Variants in FAM47C observed in about 807,000 individuals in gnomAD.
The protein encoded by FAM47C is family with sequence similarity 47 member C, also known as putative protein FAM47C.
For synonymous variants in FAM47C, 307 were observed against 346.5 expected (o/e 0.89, Z 1.27); for missense variants, 847 against 879.9 (o/e 0.96, Z 0.47).
At position 37,008,849 on chromosome X, in the gene FAM47C, C is replaced by T. The variant is rs140265914; in HGVS notation, c.439C>T (p.Leu147=). The T allele has an allele frequency of 3.5e-4, 427 of 1,210,482 alleles. 1 individual carries two copies. The African/African-American group carries it at 6.8e-3, about 19-fold the overall frequency. The part of the protein sequence containing the change: ...LGEDMPPDLL[L]QVLKPLDPER... ...AGAAGATATGCCTCCAGATCTCCTA[C>T]TACAGGTACTGAAACCGCTGGACCC... is the stretch of plus-strand genomic sequence containing the variant. The change falls in exon 1 of 1, where the codon CTA becomes TTA. Residue 147 remains leucine (L), a synonymous_variant. Transcript: ENST00000358047.
In FAM47C at chrX:37,011,111, A is replaced by G. The variant is rs1927789215; in HGVS notation, c.2701A>G (p.Met901Val). ...NECSSGLKYS[M>V]ELDEMDEVKF... ...GTGTTCCTCAGGGCTGAAGTACAGC[A>G]TGGAGCTAGACGAAATGGATGAGGT... Residue 901 changes from methionine to valine, a missense_variant, in exon 1 of 1, where the codon ATG becomes GTG. By Grantham distance (21) the Met-to-Val change is conservative. Transcript: ENST00000358047. 8.3e-7 allele frequency: 1 copy of G among 1,212,043 alleles called. No individual in the cohort carries two copies. Among genetic ancestry groups the G allele is most frequent in the South Asian group, 1.8e-5 (1 of 56,984 alleles).
rs782395657 is a variant in FAM47C, at chrX:37,009,151, C to T, written c.741C>T (p.Arg247=). Residue 247 remains arginine, a synonymous_variant, in exon 1 of 1, where the codon CGC becomes CGT. Transcript: ENST00000358047. ...EPPETGVSHL[R]PEPPKTQVSS... ...CAGAGACTGGAGTGTCCCATCTCCG[C>T]CCAGAGCCTCCCAAGACTCAGGTGT... 7.5e-6 allele frequency: 9 copies of T among 1,207,449 alleles called. No homozygotes were observed. The East Asian group carries it at 2.4e-4, about 32-fold the overall frequency.
In FAM47C at chrX:37,008,801, T is replaced by C. The variant is rs781936383; in HGVS notation, c.391T>C (p.Leu131=). The change falls in exon 1 of 1, where the codon TTG becomes CTG. Residue 131 remains leucine, a synonymous_variant. Coordinates refer to ENST00000358047, the MANE Select transcript of FAM47C (RefSeq NM_001013736.3). ...AGCCCAGCTGATGACCAAGCATCCC[T>C]TGGCCATGTACCCCAATCTGGGAGA... ...VEAQLMTKHP[L]AMYPNLGEDM... The C allele has an allele frequency of 1.9e-5, 23 of 1,209,928 alleles. No individual in the cohort carries two copies. Among genetic ancestry groups the C allele is most frequent in the Non-Finnish European group, 2.3e-5 (21 of 895,123 alleles).
chrX:37,010,557 C>G lies in FAM47C; in HGVS notation c.2147C>G (p.Ala716Gly). 3 of 1,200,325 alleles carry G rather than the reference C, an allele frequency of 2.5e-6. No homozygotes were observed. Among genetic ancestry groups the G allele is most frequent in the Non-Finnish European group, 3.4e-6 (3 of 891,793 alleles). ...PPKTRVSSLH[A>G]EPPESRVSHL... ...AAGACTCGGGTGTCCAGTCTCCACGCGGAGCCTCCTGAGAGTCGCGTATCT... is the reference window on the plus strand; with the variant it reads ...AAGACTCGGGTGTCCAGTCTCCACGGGGAGCCTCCTGAGAGTCGCGTATCT... The change falls in exon 1 of 1, where the codon GCG becomes GGG. Residue 716 changes from alanine to glycine, a missense_variant. Transcript: ENST00000358047.
At position 37,008,571 on chromosome X, in the gene FAM47C, G is replaced by A; in HGVS notation, c.161G>A (p.Gly54Asp). ...DTQNWVFVTE[G>D]MDDFRYGCQS... ...CAGAACTGGGTATTTGTGACGGAGG[G>A]CATGGACGACTTCCGCTACGGCTGT... is the stretch of plus-strand genomic sequence containing the variant. The change falls in exon 1 of 1, where the codon GGC becomes GAC. Residue 54 changes from glycine (G) to aspartate (D), a missense_variant. Physicochemically the swap from Gly to Asp is moderately conservative, Grantham distance 94. Coordinates refer to ENST00000358047, the MANE Select transcript of FAM47C (RefSeq NM_001013736.3). 3.3e-6 allele frequency: 4 copies of A among 1,212,597 alleles called. No homozygotes were observed. Among genetic ancestry groups the A allele is most frequent in the Non-Finnish European group, 4.5e-6 (4 of 895,661 alleles).
At position 37,008,978 on chromosome X, in the gene FAM47C, C is replaced by G; in HGVS notation, c.568C>G (p.Pro190Ala). ...CCCCTGTGGGGAATTCTCCCCTCGGCCTCCCGAGACTCGGGTGTCCTGTCT... is the reference window on the plus strand; with the variant it reads ...CCCCTGTGGGGAATTCTCCCCTCGGGCTCCCGAGACTCGGGTGTCCTGTCT... ...KYPCGEFSPR[P>A]PETRVSCLPP... Residue 190 changes from proline to alanine, a missense_variant, in exon 1 of 1, where the codon CCT (proline) becomes GCT (alanine). Transcript: ENST00000358047. 8.3e-7 allele frequency: 1 copy of G among 1,211,777 alleles called. No individual in the cohort carries two copies. The highest frequency in any genetic ancestry group is 1.1e-6 in the Non-Finnish European group (1 of 895,409).
At position 37,009,569 on chromosome X, in the gene FAM47C, G is replaced by C; in HGVS notation, c.1159G>C (p.Val387Leu). 8.3e-7 allele frequency: 1 copy of C among 1,208,203 alleles called. No individual in the cohort carries two copies. The highest frequency in any genetic ancestry group is 1.8e-5 in the South Asian group (1 of 56,788). ...CTGCCCGGAACCTCCCAAGACTCGC[G>C]TACCTCCTCTCCGCCCAGAGACCCC... Reference protein sequence around the residue: ...HLCPEPPKTRVPPLRPETPKN... With the variant: ...HLCPEPPKTRLPPLRPETPKN... Residue 387 changes from valine to leucine, a missense_variant, in exon 1 of 1, where the codon GTA (valine) becomes CTA (leucine). Physicochemically the swap from Val to Leu is conservative, Grantham distance 32 (BLOSUM62 1). Transcript: ENST00000358047.
Position 37,010,048 on chromosome X carries a change from C to T in FAM47C, c.1638C>T (p.Leu546=). 8.4e-7 allele frequency: 1 copy of T among 1,193,105 alleles called. No individual in the cohort carries two copies. The highest frequency in any genetic ancestry group is 1.1e-6 in the Non-Finnish European group (1 of 888,293). Residue 546 remains leucine, a synonymous_variant, in exon 1 of 1, where the codon CTC becomes CTT. Transcript: ENST00000358047. ...CTCCTGAGAGTAGCGTATCTCATCT[C>T]CGCCCAGAGCCTCCTGAGACTGGAG... ...QAPPESSVSH[L]RPEPPETGVS... is the part of the protein sequence containing the mutation.
chrX:37,010,219 G>A lies in FAM47C; in HGVS notation c.1809G>A (p.Val603=), dbSNP rs781822492. 1.7e-6 allele frequency: 2 copies of A among 1,169,003 alleles called. No individual in the cohort carries two copies. The highest frequency in any genetic ancestry group is 3.1e-5 in the East Asian group (1 of 31,979). The change falls in exon 1 of 1, where the codon GTG becomes GTA. Residue 603 remains valine (V), a synonymous_variant. Coordinates refer to ENST00000358047, the MANE Select transcript of FAM47C (RefSeq NM_001013736.3). Reference sequence around the variant, plus strand: ...CCCCGGAGCCCCCCGAGACTGGAGTGTCCCATCTCTGCCCGGAGCCTCCAG... The same window carrying A: ...CCCCGGAGCCCCCCGAGACTGGAGTATCCCATCTCTGCCCGGAGCCTCCAG... ...SLPPEPPETG[V]SHLCPEPPET... is the part of the protein sequence containing the mutation.
chrX:37,011,333 G>A lies in FAM47C; in HGVS notation c.2923G>A (p.Gly975Ser), dbSNP rs782174637. 3 of 1,208,861 alleles carry A rather than the reference G, an allele frequency of 2.5e-6. No individual in the cohort carries two copies. Among genetic ancestry groups the A allele is most frequent in the Non-Finnish European group, 3.4e-6 (3 of 894,795 alleles). The change falls in exon 1 of 1, where the codon GGT (glycine) becomes AGT (serine). Residue 975 changes from glycine (G) to serine (S), a missense_variant. Coordinates refer to ENST00000358047, the MANE Select transcript of FAM47C (RefSeq NM_001013736.3). ...EKPDEPDILD[G>S]LYGPIAFKDF... ...GCCTGATGAACCCGACATTCTTGAC[G>A]GTCTTTATGGACCAATCGCCTTTAA... is the stretch of plus-strand genomic sequence containing the variant.
At position 37,010,467 on chromosome X, in the gene FAM47C, G is replaced by T; in HGVS notation, c.2057G>T (p.Arg686Leu). 2.5e-6 allele frequency: 3 copies of T among 1,198,793 alleles called. No homozygotes were observed. Among genetic ancestry groups the T allele is most frequent in the African/African-American group, 1.9e-5 (1 of 53,401 alleles). The change falls in exon 1 of 1, where the codon CGC (arginine) becomes CTC (leucine). Residue 686 changes from arginine to leucine, a missense_variant. Transcript: ENST00000358047. ...CTCTGCCCGGAGCCTCCAGAGACTC[G>T]CGTATCTCATCTCCGCCCAGAGCCT... The part of the protein sequence containing the change: ...SHLCPEPPET[R>L]VSHLRPEPPE...
chrX:37,010,750 G>A lies in FAM47C; in HGVS notation c.2340G>A (p.Lys780=). ...GVSHLHPELP[K]PRVSSLHLEP... ...CCCATCTCCACCCAGAGCTTCCCAA[G>A]CCTCGGGTATCCAGTCTCCACCTGG... Residue 780 remains lysine (K), a synonymous_variant, in exon 1 of 1, where the codon AAG becomes AAA. Transcript: ENST00000358047. The A allele has an allele frequency of 1.7e-6, 2 of 1,210,339 alleles. No individual in the cohort carries two copies. The highest frequency in any genetic ancestry group is 2.2e-6 in the Non-Finnish European group (2 of 895,201).
Position 37,010,490 on chromosome X carries a change from C to A in FAM47C, c.2080C>A (p.Pro694Thr), listed in dbSNP as rs1601930720. 1 of 1,201,704 alleles carries A rather than the reference C, an allele frequency of 8.3e-7. No homozygotes were observed. Among genetic ancestry groups the A allele is most frequent in the East Asian group, 3.0e-5 (1 of 33,350 alleles). Residue 694 changes from proline to threonine, a missense_variant, in exon 1 of 1, where the codon CCT (proline) becomes ACT (threonine). Physicochemically the swap from Pro to Thr is conservative, Grantham distance 38. Coordinates refer to ENST00000358047, the MANE Select transcript of FAM47C (RefSeq NM_001013736.3). ...TCGCGTATCTCATCTCCGCCCAGAG[C>A]CTCCTGAGACTGGAGTGTCCCGTCT... ...ETRVSHLRPE[P>T]PETGVSRLHP...
In FAM47C at chrX:37,011,573, A is replaced by C. The variant is rs1927803829; in HGVS notation, c.*55A>C. 1 of 1,047,917 alleles carries C rather than the reference A, an allele frequency of 9.5e-7. No individual in the cohort carries two copies. The highest frequency in any genetic ancestry group is 2.9e-5 in the Admixed American group (1 of 34,141). 86.4% of individuals were successfully genotyped at this position (1,047,917 alleles called of 1,213,427 possible). The stretch of plus-strand genomic sequence containing the variant: ...ATTTCTTGCTCTCATTTTAAACATC[A>C]GTCAGAATTTATGATGACTGGCCCC... On this transcript the variant is annotated 3_prime_UTR_variant, in exon 1 of 1. Coordinates refer to ENST00000358047, the MANE Select transcript of FAM47C (RefSeq NM_001013736.3).
rs782764601 is a variant in FAM47C at position 37,009,044 on chromosome X, C to T, written c.634C>T (p.Pro212Ser). The T allele has an allele frequency of 9.9e-6, 12 of 1,209,239 alleles. 1 individual carries two copies. In the South Asian group the frequency reaches 1.2e-4, roughly 12 times the overall value. Residue 212 changes from proline (P) to serine (S), a missense_variant, in exon 1 of 1, where the codon CCG becomes TCG. Transcript: ENST00000358047. ...CAAGACTCCGGTGTCCAGTCTCCGC[C>T]CGGAGCCTCCAGAGACTGGAGTGTC... The part of the protein sequence containing the change: ...PPKTPVSSLR[P>S]EPPETGVSHL...
chrX:37,011,637 C>T lies in FAM47C; in HGVS notation c.*119C>T. 1.7e-6 allele frequency: 1 copy of T among 586,147 alleles called. No individual in the cohort carries two copies. Among genetic ancestry groups the T allele is most frequent in the East Asian group, 3.6e-5 (1 of 27,858 alleles). The allele number at this position is 586,147 out of a possible 1,213,427, so 48.3% of individuals were successfully genotyped here. ...GTTGGCAACATCTGTAAATTCAATA[C>T]CTAATGTTTATAAATATTTCTTAAT... On this transcript the variant is annotated 3_prime_UTR_variant, in exon 1 of 1. Coordinates refer to ENST00000358047, the MANE Select transcript of FAM47C (RefSeq NM_001013736.3).
chrX:37,011,205 A>C lies in FAM47C; in HGVS notation c.2795A>C (p.Gln932Pro), dbSNP rs1927792118. The C allele has an allele frequency of 8.3e-7, 1 of 1,211,373 alleles. No homozygotes were observed. Among genetic ancestry groups the C allele is most frequent in the Non-Finnish European group, 1.1e-6 (1 of 895,282 alleles). Residue 932 changes from glutamine to proline, a missense_variant, in exon 1 of 1, where the codon CAG becomes CCG. Gln to Pro is a moderately conservative substitution (Grantham distance 76). Coordinates refer to ENST00000358047, the MANE Select transcript of FAM47C (RefSeq NM_001013736.3). ...AATGCACCAAATTCTCATAGTGCAC[A>C]GCATGTGAAGATGGGGTATGGAGCA... is the stretch of plus-strand genomic sequence containing the variant. The part of the protein sequence containing the change: ...IQNAPNSHSA[Q>P]HVKMGYGAWY...
Position 37,009,536 on chromosome X carries a change from T to A in FAM47C, c.1126T>A (p.Ser376Thr). The A allele has an allele frequency of 8.3e-7, 1 of 1,205,582 alleles. No individual in the cohort carries two copies. Residue 376 changes from serine to threonine, a missense_variant, in exon 1 of 1, where the codon TCC becomes ACC. Physicochemically the swap from Ser to Thr is moderately conservative, Grantham distance 58 (BLOSUM62 1). Coordinates refer to ENST00000358047, the MANE Select transcript of FAM47C (RefSeq NM_001013736.3). ...CCAGCTGCCTCCCGAGGCTGGAGTG[T>A]CCCATCTCTGCCCGGAACCTCCCAA... ...LRQLPPEAGV[S>T]HLCPEPPKTR...
chrX:37,010,339 C>T lies in FAM47C; in HGVS notation c.1929C>T (p.Arg643=), dbSNP rs1556332883. The change falls in exon 1 of 1, where the codon CGC becomes CGT. Residue 643 remains arginine, a synonymous_variant. Coordinates refer to ENST00000358047, the MANE Select transcript of FAM47C (RefSeq NM_001013736.3). ...EPPKTRMYSL[R]PEPPNTGVSH... is the part of the protein sequence containing the mutation. Reference sequence around the variant, plus strand: ...CCAAGACTCGGATGTACAGTCTCCGCCCGGAGCCTCCCAATACTGGAGTGT... The same window carrying T: ...CCAAGACTCGGATGTACAGTCTCCGTCCGGAGCCTCCCAATACTGGAGTGT... The T allele has an allele frequency of 1.6e-5, 19 of 1,179,293 alleles. No homozygotes were observed. Among genetic ancestry groups the T allele is most frequent in the Non-Finnish European group, 2.1e-5 (19 of 885,270 alleles).
Sources: gnomAD v4.1 joint callset for allele counts on GRCh38, gnomAD v4.1.1 for gene constraint, MANE v1.5 for transcripts, NCBI Gene and HGNC (gene_info 2026-07-23, HGNC 2026-07-21) for gene names.